The following ADGRL3 variants were observed in gnomAD, a reference collection of about 807,000 sequenced individuals.
ADGRL3 encodes adhesion G protein-coupled receptor L3, also known as calcium-independent alpha-latrotoxin receptor 3.
Under a neutral mutation model 153.5 loss-of-function variants are expected in ADGRL3, and 62 were observed. That is an observed-to-expected ratio of 0.40 (90% CI 0.33 to 0.50). The LOEUF is 0.50. Among genes scored for constraint, ADGRL3 ranks in the 20% least tolerant of loss-of-function variants. The pLI is 0.47. For synonymous variants in ADGRL3, 710 were observed against 672.5 expected, an observed-to-expected ratio of 1.06 and a Z score of -0.86; for missense variants, 1,641 against 1,859.4, an observed-to-expected ratio of 0.88 and a Z score of 2.16.
intron 6 of ADGRL3, among the ~76,000 whole-genome samples, chr4:61,706,437 A>T (rs1454750590): frequency 3.9e-5 from 6 of 151,960 alleles, no homozygotes; most frequent in Non-Finnish European, 8.8e-5. Flanking sequence ...AAAAAAAAAA[A>T]AAAAGGCTGT....
intron 17 of ADGRL3, among the ~76,000 whole-genome samples, chr4:61,975,070 A>C (rs1269860242): frequency 1.3e-5 from 2 of 152,196 alleles, no homozygotes; most frequent in African/African-American, 4.8e-5. Context: ...TGGTAATCAG[A>C]AGAGATGAAA....
chr4:61,397,299 A>G (rs1282264761), intron 2 of ADGRL3, among the ~76,000 whole-genome samples: 1 of 152,060 alleles, frequency 6.6e-6, no homozygotes, highest in Admixed American at 6.6e-5. Flanking sequence ...CATTCTAGGA[A>G]GTAATCCATT....
intron 5 of ADGRL3, among the ~76,000 whole-genome samples, chr4:61,630,800 G>T (rs1224529457): frequency 6.6e-6 from 1 of 152,154 alleles, no homozygotes; most frequent in Non-Finnish European, 1.5e-5. Context: ...ATAGATGGTA[G>T]TTCTCAGATA....
chr4:61,337,537 C>T (rs1489846026), intron 1 of ADGRL3, among the ~76,000 whole-genome samples: 1 of 152,152 alleles, frequency 6.6e-6, no homozygotes, highest in Non-Finnish European at 1.5e-5. Flanking sequence ...TTGTGAAGAT[C>T]AAGGGACTAC....
chr4:61,276,994 G>C (rs929162243), intron 1 of ADGRL3, among the ~76,000 whole-genome samples: 1 of 152,034 alleles, frequency 6.6e-6, no homozygotes. Context: ...ATTTTCTACT[G>C]TAACTATTAG....
At chr4:61,455,854 C>T (rs954614073) in intron 2 of ADGRL3, among the ~76,000 whole-genome samples, 1 of 152,016 alleles carries the variant, frequency 6.6e-6, no homozygotes, top group African/African-American at 2.4e-5. Flanking sequence ...CTCACTCTAT[C>T]TCCCAGGTTG....
intron 2 of ADGRL3, among the ~76,000 whole-genome samples, chr4:61,447,952 C>T (rs2097606718): frequency 6.6e-6 from 1 of 152,110 alleles, no homozygotes; most frequent in Non-Finnish European, 1.5e-5. Flanking sequence ...AAATACGGAC[C>T]TGGGCCTGAA....
intron 3 of ADGRL3, among the ~76,000 whole-genome samples, chr4:61,509,526 A>C (rs1311897330): frequency 2.0e-5 from 3 of 152,226 alleles, no homozygotes; most frequent in Admixed American, 6.5e-5. Context: ...TAATTCACTT[A>C]GGATGATGGC....
At chr4:61,430,106 A>G (rs1163262269) in intron 2 of ADGRL3, among the ~76,000 whole-genome samples, 1 of 152,174 alleles carries the variant, frequency 6.6e-6, no homozygotes, top group Non-Finnish European at 1.5e-5. Context: ...TACAAAGATA[A>G]TCAAAATATT....
rs3075148 is a variant in ADGRL3 at position 61,541,842 on chromosome 4, TACACACAC to T, written c.259+24351_259+24358del. On this transcript the variant is annotated intron_variant, in intron 4 of 26. Transcript: ENST00000683033. ...CCTTAGATATATATGTGTGTGTGTATACACACACACACACACACACACACACACACACA... is the reference window on the plus strand; with the variant it reads ...CCTTAGATATATATGTGTGTGTGTATACACACACACACACACACACACACA... 3.0e-3 allele frequency among the ~76,000 whole-genome samples: 437 copies of T among 146,568 alleles called. 1 individual carries two copies. The highest frequency in any genetic ancestry group is 9.6e-3 in the South Asian group (44 of 4,562).
At chr4:61,743,883 C>G (rs961232812) in intron 8 of ADGRL3, among the ~76,000 whole-genome samples, 2 of 152,158 alleles carry the variant, frequency 1.3e-5, no homozygotes, top group Non-Finnish European at 2.9e-5. Context: ...TGCAGCACAC[C>G]GTGTGCGAGC....
At chr4:61,951,668 C>A (rs900347461) in intron 17 of ADGRL3, among the ~76,000 whole-genome samples, 2 of 151,992 alleles carry the variant, frequency 1.3e-5, no homozygotes, top group Non-Finnish European at 1.5e-5. Context: ...GAGTTTGAGA[C>A]CAGCCTCGGC....
At chr4:61,749,582 C>A (rs2096723982) in intron 8 of ADGRL3, among the ~76,000 whole-genome samples, 1 of 152,128 alleles carries the variant, frequency 6.6e-6, no homozygotes, top group South Asian at 2.1e-4. Context: ...AATTGGAAAT[C>A]ATCATTCTCA....
intron 1 of ADGRL3, among the ~76,000 whole-genome samples, chr4:61,299,081 T>C (rs2094501131): frequency 2.0e-5 from 3 of 152,204 alleles, no homozygotes; most frequent in Admixed American, 1.3e-4. Context: ...GCATCTGTGA[T>C]TAAATTAGAA....
At chr4:61,297,210 G>C (rs2094438612) in intron 1 of ADGRL3, among the ~76,000 whole-genome samples, 1 of 152,140 alleles carries the variant, frequency 6.6e-6, no homozygotes, top group South Asian at 2.1e-4. Context: ...TTTTAAAATA[G>C]ATAATTCTGA....
intron 9 of ADGRL3, among the ~76,000 whole-genome samples, chr4:61,875,009 C>T (rs2098467003): frequency 6.6e-6 from 1 of 151,190 alleles, no homozygotes; most frequent in Non-Finnish European, 1.5e-5. Context: ...GGGGTTTCAC[C>T]TTGTTAGTCA....
At chr4:62,023,315 A>G (rs754793631) in intron 21 of ADGRL3, among the ~76,000 whole-genome samples, 1 of 152,170 alleles carries the variant, frequency 6.6e-6, no homozygotes, top group Non-Finnish European at 1.5e-5. Flanking sequence ...GTTGCTTCTT[A>G]CAGTTGAGCA....
At chr4:61,645,302 T>A (rs2093919229) in intron 5 of ADGRL3, among the ~76,000 whole-genome samples, 1 of 151,918 alleles carries the variant, frequency 6.6e-6, no homozygotes, top group Admixed American at 6.6e-5. Flanking sequence ...GTTAATATTG[T>A]TATGTGTGAA....
chr4:61,555,595 G>T (rs548976335), intron 4 of ADGRL3, among the ~76,000 whole-genome samples: 7 of 152,264 alleles, frequency 4.6e-5, no homozygotes, highest in Admixed American at 4.6e-4. Context: ...TGGGAGTGTT[G>T]CAGGAAAGGG....
Sources: allele counts gnomAD v4.1 joint callset (sites outside exome capture counted in the v4.1 genomes callset), GRCh38; gene constraint gnomAD v4.1.1; transcripts MANE v1.5; gene names NCBI Gene and HGNC (gene_info 2026-07-23, HGNC 2026-07-21).